Variants in NOTCH2 observed in about 807,000 individuals in gnomAD.
NOTCH2 encodes the protein notch receptor 2.
In NOTCH2, 29 loss-of-function variants were observed where a neutral mutation model predicts 235.8. The observed-to-expected ratio is 0.12, with a 90% CI of 0.09 to 0.17. The LOEUF (loss-of-function observed/expected upper bound fraction) is 0.17. Among genes scored for constraint, NOTCH2 ranks in the 10% least tolerant of loss-of-function variants. The pLI is 1.00. For synonymous variants in NOTCH2, 1,086 were observed against 1,141.5 expected (o/e 0.95, Z 0.98); for missense variants, 2,285 against 3,150.2 (o/e 0.73, Z 6.57).
At chr1:120,030,782 C>G (rs1348843331) in intron 1 of NOTCH2, among the ~76,000 whole-genome samples, 3 of 122,676 alleles carry the variant, frequency 2.4e-5, no homozygotes, top group Non-Finnish European at 3.4e-5. Flanking sequence ...GAGAAAAGAA[C>G]AAAAACAACA....
chr1:119,997,313 C>T lies in NOTCH2; in HGVS notation c.435G>A (p.Thr145=), dbSNP rs1615676. ...CACAGGGATGAGACAGGCAGGCATC[C>T]GTCCATTGGCACTCCTTACCTAAAG... is the stretch of plus-strand genomic sequence containing the variant. ...VGFTGKECQW[T]DACLSHPCAN... The change falls in exon 4 of 34, where the codon ACG becomes ACA. Residue 145 remains threonine (T), a synonymous_variant. Transcript: ENST00000256646. 8,956 of 1,611,390 alleles carry T rather than the reference C, an allele frequency of 5.6e-3. 40 individuals are homozygous for T. Among genetic ancestry groups the T allele is most frequent in the Non-Finnish European group, 6.7e-3 (7,925 of 1,177,428 alleles).
Position 119,915,798 on chromosome 1 carries a change from C to G in NOTCH2, c.6924G>C (p.Gln2308His), listed in dbSNP as rs376191548. ...GGGCAATACTGCCTTTAGGGATGAG[C>G]TGGAAAGTCACAATGGGGGGCAAGG... ...REPLPPIVTF[Q>H]LIPKGSIAQP... Residue 2308 changes from glutamine to histidine, a missense_variant, in exon 34 of 34, where the codon CAG (glutamine) becomes CAC (histidine). Gln to His is a conservative substitution (Grantham distance 24). Around this residue, in one of 6 missense-constraint regions of NOTCH2, gnomAD observed 504 missense variants for 538.0 expected, o/e 0.94. Coordinates refer to ENST00000256646, the MANE Select transcript of NOTCH2 (RefSeq NM_024408.4). 6.2e-7 allele frequency: 1 copy of G among 1,612,586 alleles called. No individual in the cohort carries two copies. Among genetic ancestry groups the G allele is most frequent in the South Asian group, 1.1e-5 (1 of 91,002 alleles).
At chr1:119,958,714 A>ATATG (rs1491196783) in intron 12 of NOTCH2, among the ~76,000 whole-genome samples, 2 of 149,748 alleles carry the variant, frequency 1.3e-5, no homozygotes, top group African/African-American at 2.4e-5. Flanking sequence ...GAGAGAGAAG[A>ATATG]TGTGTGTGTG....
intron 26 of NOTCH2, among the ~76,000 whole-genome samples, chr1:119,923,402 G>A (rs1476451195): frequency 6.6e-6 from 1 of 152,200 alleles, no homozygotes; most frequent in African/African-American, 2.4e-5. Context: ...TCTGGCATCT[G>A]AGGAGGCCTT....
intron 19 of NOTCH2, among the ~76,000 whole-genome samples, chr1:119,938,355 C>T (rs782013258): frequency 5.3e-5 from 8 of 152,036 alleles, no homozygotes; most frequent in Non-Finnish European, 1.2e-4. Flanking sequence ...CACTAAACTT[C>T]AAATTAACAC....
At chr1:120,011,742 C>T (rs55837584) in intron 2 of NOTCH2, among the ~76,000 whole-genome samples, 251 of 144,854 alleles carry the variant, frequency 1.7e-3, no homozygotes, top group African/African-American at 5.4e-3. Context: ...CTAGGCCGGG[C>T]GCGGTGGCTC....
rs1648933979 is a variant in NOTCH2 at position 119,912,769 on chromosome 1, C to T, written c.*2537G>A. On this transcript the variant is annotated 3_prime_UTR_variant, in exon 34 of 34. Transcript: ENST00000256646. ...AAAGTGATTATCCATCTTACCTTCC[C>T]TTTTATTAGATACCACACAATTCAA... 4.3e-6 allele frequency: 1 copy of T among 233,456 alleles called. No homozygotes were observed. The highest frequency in any genetic ancestry group is 8.5e-6 in the Non-Finnish European group (1 of 118,016). The allele number at this position is 233,456 out of a possible 1,614,324, so 14.5% of individuals were successfully genotyped here.
chr1:120,015,310 G>GC (rs1259532226), intron 2 of NOTCH2, among the ~76,000 whole-genome samples: 1 of 152,134 alleles, frequency 6.6e-6, no homozygotes, highest in Non-Finnish European at 1.5e-5. Flanking sequence ...GGGCCTCTTG[G>GC]CCCCCCAATC....
At chr1:119,918,828 C>A (rs587602301) in intron 31 of NOTCH2, among the ~76,000 whole-genome samples, 2 of 152,314 alleles carry the variant, frequency 1.3e-5, no homozygotes, top group Admixed American at 6.5e-5. Context: ...GGAAATATCA[C>A]AACTTCAGTC....
At position 119,925,661 on chromosome 1, in the gene NOTCH2, G is replaced by A. The variant is rs764948417; in HGVS notation, c.4155C>T (p.His1385=). The part of the protein sequence containing the change: ...ESGCASSPCQ[H]GGSCHPQRQP... Reference sequence around the variant, plus strand: ...GGCGCTGAGGGTGGCAGCTGCCCCCGTGCTGGCAGGGGCTACTGGCACAGC... The same window carrying A: ...GGCGCTGAGGGTGGCAGCTGCCCCCATGCTGGCAGGGGCTACTGGCACAGC... Residue 1385 remains histidine, a synonymous_variant, in exon 25 of 34, where the codon CAC becomes CAT. Transcript: ENST00000256646. The A allele has an allele frequency of 3.7e-5, 60 of 1,612,566 alleles. No individual in the cohort carries two copies. The highest frequency in any genetic ancestry group is 3.3e-4 in the Middle Eastern group (2 of 6,078).
At chr1:120,010,184 TC>T (rs1260380061) in intron 2 of NOTCH2, among the ~76,000 whole-genome samples, 1 of 151,658 alleles carries the variant, frequency 6.6e-6, no homozygotes, top group African/African-American at 2.4e-5. Flanking sequence ...ATAATACTTA[TC>T]ATTCGTGTTC....
chr1:119,972,773 G>A (rs587760741), intron 5 of NOTCH2, among the ~76,000 whole-genome samples: 3 of 152,284 alleles, frequency 2.0e-5, no homozygotes, highest in African/African-American at 7.2e-5. Context: ...GCCAGTGAGT[G>A]AAGGACAGTT....
At chr1:119,935,368 T>C in intron 22 of NOTCH2, 104 bp downstream of exon 22, 3 of 1,610,708 alleles carry the variant, frequency 1.9e-6, no homozygotes, top group Non-Finnish European at 1.7e-6. Flanking sequence ...GGAATGAAGC[T>C]AGTCTTCCTA....
intron 1 of NOTCH2, among the ~76,000 whole-genome samples, chr1:120,068,028 G>A (rs2794161): frequency 0.036 from 4,812 of 133,626 alleles, no homozygotes; most frequent in African/African-American, 0.094. Context: ...GAAAACAGAT[G>A]TAGTTCATGT....
Position 119,916,012 on chromosome 1 carries a change from C to T in NOTCH2, c.6710G>A (p.Ser2237Asn), listed in dbSNP as rs745948430. The change falls in exon 34 of 34, where the codon AGT becomes AAT. Residue 2237 changes from serine to asparagine, a missense_variant. Physicochemically the swap from Ser to Asn is conservative, Grantham distance 46. This residue lies in a region of NOTCH2 where 504 missense variants were observed against 538.0 expected (regional missense o/e 0.94). Coordinates refer to ENST00000256646, the MANE Select transcript of NOTCH2 (RefSeq NM_024408.4). ...HHHIVSPGSG[S>N]AGSLSRLHPV... ...ATGGAGCCTACTCAAGCTTCCAGCA[C>T]TGCCACTGCCTGGAGACACAATGTG... 2 of 1,613,830 alleles carry T rather than the reference C, an allele frequency of 1.2e-6. No homozygotes were observed. Among genetic ancestry groups the T allele is most frequent in the East Asian group, 4.5e-5 (2 of 44,888 alleles).
intron 4 of NOTCH2, chr1:119,994,525 T>G (rs1464271677): frequency 2.2e-5 from 1 of 46,424 alleles, no homozygotes; most frequent in Non-Finnish European, 4.4e-5. Flanking sequence ...ATGCCATATA[T>G]ATATACACAC....
rs186489900 is a variant in NOTCH2, at chr1:119,985,119, C to G, written c.874+1841G>C. Among the ~76,000 whole-genome samples the G allele has an allele frequency of 6.7e-4, 102 of 152,216 alleles. 1 individual carries two copies. Among genetic ancestry groups the G allele is most frequent in the Non-Finnish European group, 6.3e-4 (43 of 68,016 alleles). ...ACTGGGGAAGCAGACAGAGCTGAAG[C>G]CATGAAAGGCTTCATATAACAGAAG... is the stretch of plus-strand genomic sequence containing the variant. On this transcript the variant is annotated intron_variant, in intron 5 of 33. Transcript: ENST00000256646.
intron 4 of NOTCH2, chr1:119,993,389 AT>A (rs1570724128): frequency 2.2e-5 from 2 of 91,544 alleles, no homozygotes; most frequent in East Asian, 2.7e-4. Flanking sequence ...AAGACGAGTC[AT>A]TTTTGTAGTT....
At chr1:119,968,717 G>T (rs979686963) in intron 6 of NOTCH2, among the ~76,000 whole-genome samples, 4 of 152,138 alleles carry the variant, frequency 2.6e-5, no homozygotes, top group Non-Finnish European at 4.4e-5. Context: ...GCCTCTACTA[G>T]AGTAATCTTT....
Sources: gnomAD v4.1 joint callset for allele counts (sites outside exome capture counted in the v4.1 genomes callset) on GRCh38, gnomAD v4.1.1 for gene constraint, gnomAD v4.1.1 regional missense constraint, MANE v1.5 for transcripts, NCBI Gene and HGNC (gene_info 2026-07-23, HGNC 2026-07-21) for gene names.